The following CSMD2 variants were observed in gnomAD, a reference collection of about 807,000 sequenced individuals.
The protein encoded by CSMD2 is CUB and Sushi multiple domains 2, also known as CUB and sushi domain-containing protein 2.
Under a neutral mutation model 398.5 loss-of-function variants are expected in CSMD2, and 130 were observed. That is an observed-to-expected ratio of 0.33 (90% CI 0.28 to 0.38). The LOEUF (loss-of-function observed/expected upper bound fraction) is 0.38, where lower values mean the gene tolerates loss of function less well. Among genes scored for constraint, CSMD2 ranks in the 10% least tolerant of loss-of-function variants. The pLI, the probability that CSMD2 is intolerant of heterozygous loss-of-function variation, is 1.00. For synonymous variants in CSMD2, 1,828 were observed against 1,908.5 expected, an observed-to-expected ratio of 0.96 and a Z score of 1.10; for missense variants, 3,829 against 4,764.9, an observed-to-expected ratio of 0.80 and a Z score of 5.78.
At chr1:33,695,552 A>C (rs1465759130) in intron 24 of CSMD2, among the ~76,000 whole-genome samples, 1 of 152,200 alleles carries the variant, frequency 6.6e-6, no homozygotes, top group Non-Finnish European at 1.5e-5. Flanking sequence ...TCTGAGACCC[A>C]GTCGCTAAAC....
rs1642036698 is a variant in CSMD2 at position 33,625,210 on chromosome 1, G to A, written c.5341C>T (p.Pro1781Ser). 6.2e-7 allele frequency: 1 copy of A among 1,613,716 alleles called. No homozygotes were observed. The highest frequency in any genetic ancestry group is 1.1e-5 in the South Asian group (1 of 91,032). Residue 1781 changes from proline (P) to serine (S), a missense_variant, in exon 34 of 71, where the codon CCC (proline) becomes TCC (serine). By Grantham distance (74) the Pro-to-Ser change is moderately conservative (BLOSUM62 -1). This residue lies in a region of CSMD2 where 2,001 missense variants were observed against 2,567.1 expected (regional missense o/e 0.78). Transcript: ENST00000373381. ...CTGCCCAGCCTCTTGCCATAGCGGG[G>A]TTCCGGCACAGAGCTGCACTGCGTG... ...SATQCSSVPEPRYGKRLGSDF... is the reference protein window; with the variant it reads ...SATQCSSVPESRYGKRLGSDF...
intron 3 of CSMD2, among the ~76,000 whole-genome samples, chr1:33,939,981 G>GCAC (rs1644612497): frequency 6.6e-6 from 1 of 152,162 alleles, no homozygotes; most frequent in Non-Finnish European, 1.5e-5. Flanking sequence ...TCCTGTAACA[G>GCAC]CACCACAAAC....
At chr1:34,142,785 G>C (rs1050104512) in intron 1 of CSMD2, among the ~76,000 whole-genome samples, 2 of 152,138 alleles carry the variant, frequency 1.3e-5, no homozygotes, top group East Asian at 3.9e-4. Context: ...TCTCTCTTAC[G>C]GACCTGTTTT....
At chr1:34,071,799 A>C (rs1655758288) in intron 2 of CSMD2, among the ~76,000 whole-genome samples, 1 of 152,272 alleles carries the variant, frequency 6.6e-6, no homozygotes, top group African/African-American at 2.4e-5. Flanking sequence ...CAACTGCTGG[A>C]ATTGCTGAAA....
At chr1:33,918,531 A>T (rs2125283978) in intron 4 of CSMD2, among the ~76,000 whole-genome samples, 1 of 152,340 alleles carries the variant, frequency 6.6e-6, no homozygotes, top group African/African-American at 2.4e-5. Context: ...AGTTCACTAG[A>T]TGGAGAAGAG....
intron 25 of CSMD2, among the ~76,000 whole-genome samples, chr1:33,684,488 C>T (rs75077417): frequency 6.6e-6 from 1 of 152,306 alleles, no homozygotes; most frequent in East Asian, 1.9e-4. Flanking sequence ...AGCCAGACAA[C>T]CGTAGCTTCA....
intron 4 of CSMD2, among the ~76,000 whole-genome samples, chr1:33,933,974 A>G (rs1221847038): frequency 6.6e-6 from 1 of 152,166 alleles, no homozygotes; most frequent in African/African-American, 2.4e-5. Context: ...TCTGGACCCA[A>G]GCAGAAAGGG....
At position 33,623,291 on chromosome 1, in the gene CSMD2, A is replaced by G. The variant is rs78487396; in HGVS notation, c.5722+79T>C. The G allele has an allele frequency of 3.2e-6, 3 of 931,222 alleles. 1 individual carries two copies. The East Asian group carries it at 7.2e-5, about 22-fold the overall frequency. 57.7% of individuals were successfully genotyped at this position (931,222 alleles called of 1,614,324 possible). A position where few individuals can be genotyped will look rare whatever the true frequency, so the allele number is the denominator to read the frequency against. On this transcript the variant is annotated intron_variant, in intron 36 of 70. Coordinates refer to ENST00000373381, the MANE Select transcript of CSMD2 (RefSeq NM_001281956.2). The stretch of plus-strand genomic sequence containing the variant: ...GGAATATAAGTGATATCTCAATAAT[A>G]ATAATGATAATAACAATGTTCATGA...
intron 21 of CSMD2, chr1:33,709,518 G>A: frequency 2.0e-6 from 1 of 494,420 alleles, no homozygotes; most frequent in Non-Finnish European, 3.5e-6. Flanking sequence ...TACAGAAACA[G>A]ACGCTAACCC....
chr1:34,038,154 C>A (rs1371007906), intron 2 of CSMD2, among the ~76,000 whole-genome samples: 5 of 152,108 alleles, frequency 3.3e-5, no homozygotes, highest in Non-Finnish European at 7.4e-5. Context: ...CGCTGAAGAC[C>A]CCGCAGTTAG....
At chr1:33,694,199 T>G (rs776851713) in intron 24 of CSMD2, among the ~76,000 whole-genome samples, 7 of 152,172 alleles carry the variant, frequency 4.6e-5, no homozygotes, top group African/African-American at 1.7e-4. Flanking sequence ...ATACCTAGAA[T>G]AGGCAAATCT....
chr1:34,037,139 A>T (rs1651236744), intron 2 of CSMD2, among the ~76,000 whole-genome samples: 1 of 152,042 alleles, frequency 6.6e-6, no homozygotes, highest in South Asian at 2.1e-4. Flanking sequence ...AGTTTTAAAA[A>T]ATTATATCTA....
At chr1:33,848,071 G>A (rs978019008) in intron 5 of CSMD2, among the ~76,000 whole-genome samples, 3 of 152,110 alleles carry the variant, frequency 2.0e-5, no homozygotes, top group African/African-American at 7.2e-5. Flanking sequence ...TTTTGCATAG[G>A]TCCTTATACC....
intron 1 of CSMD2, among the ~76,000 whole-genome samples, chr1:34,106,410 G>A (rs780780625): frequency 6.6e-6 from 1 of 152,142 alleles, no homozygotes; most frequent in Non-Finnish European, 1.5e-5. Context: ...CATATTACAG[G>A]TAAAGAAACT....
intron 3 of CSMD2, among the ~76,000 whole-genome samples, chr1:33,956,744 T>C (rs918414702): frequency 6.6e-6 from 1 of 151,980 alleles, no homozygotes; most frequent in African/African-American, 2.4e-5. Flanking sequence ...TCACCCGGTG[T>C]CTCCAAAGGT....
At chr1:34,165,746 C>A (rs1641831220), upstream of CSMD2, 1 of 1,613,976 alleles carries the variant, frequency 6.2e-7, no homozygotes, top group Non-Finnish European at 8.5e-7. Flanking sequence ...TTGGCTCTTA[C>A]CAGCTGATCT....
chr1:33,888,577 A>G (rs1210820141), intron 5 of CSMD2, among the ~76,000 whole-genome samples: 1 of 152,212 alleles, frequency 6.6e-6, no homozygotes, highest in Admixed American at 6.5e-5. Context: ...CTATAGCTCA[A>G]ACCTCGTACA....
intron 1 of CSMD2, among the ~76,000 whole-genome samples, chr1:34,143,644 C>G (rs1325803937): frequency 6.6e-6 from 1 of 152,094 alleles, no homozygotes; most frequent in Non-Finnish European, 1.5e-5. Flanking sequence ...GTATCTGGCA[C>G]AAGGTGGTAG....
intron 4 of CSMD2, among the ~76,000 whole-genome samples, chr1:33,930,887 C>A (rs1054284031): frequency 6.6e-6 from 1 of 152,182 alleles, no homozygotes; most frequent in African/African-American, 2.4e-5. Flanking sequence ...CCTGGCTCCC[C>A]CCTATTCCCA....
Sources: allele counts gnomAD v4.1 joint callset (sites outside exome capture counted in the v4.1 genomes callset), GRCh38; gene constraint gnomAD v4.1.1; regional missense constraint gnomAD v4.1.1; transcripts MANE v1.5; gene names NCBI Gene and HGNC (gene_info 2026-07-23, HGNC 2026-07-21).